The following PBX4 variants were observed in gnomAD, a reference collection of about 807,000 sequenced individuals.
PBX4 encodes PBX homeobox 4.
A neutral mutation model predicts 35.1 loss-of-function variants in PBX4; 26 were observed. The observed-to-expected ratio is 0.74, with a 90% CI of 0.54 to 1.03. The LOEUF (loss-of-function observed/expected upper bound fraction) is 1.03, where lower values mean the gene tolerates loss of function less well. Among genes scored for constraint, PBX4 ranks in the 50% least tolerant of loss-of-function variants. The pLI is 0.00. For synonymous variants in PBX4, 199 were observed against 204.2 expected, an observed-to-expected ratio of 0.97 and a Z score of 0.22; for missense variants, 448 against 504.3, an observed-to-expected ratio of 0.89 and a Z score of 1.07.
At chr19:19,590,486 T>TGA (rs1410569256) in intron 2 of PBX4, among the ~76,000 whole-genome samples, 3 of 151,066 alleles carry the variant, frequency 2.0e-5, no homozygotes, top group Non-Finnish European at 4.4e-5. Context: ...TTTTTTTTTT[T>TGA]GAGAGAGAGT....
chr19:19,598,167 A>T (rs978687349), intron 2 of PBX4, among the ~76,000 whole-genome samples: 1 of 152,030 alleles, frequency 6.6e-6, no homozygotes, highest in Non-Finnish European at 1.5e-5. Context: ...AGATCATTGT[A>T]CTCAGCGTAA....
intron 2 of PBX4, among the ~76,000 whole-genome samples, chr19:19,590,904 T>C (rs117597091): frequency 1.4e-4 from 21 of 152,328 alleles, no homozygotes; most frequent in Admixed American, 2.6e-4. Context: ...ACCTTTCTAT[T>C]ATAGGAGGCA....
chr19:19,598,999 A>T (rs2061578608), intron 2 of PBX4, among the ~76,000 whole-genome samples: 1 of 140,128 alleles, frequency 7.1e-6, no homozygotes, highest in Non-Finnish European at 1.5e-5. Flanking sequence ...CTCACCGCAC[A>T]CTCTTGTTGC....
intron 1 of PBX4, among the ~76,000 whole-genome samples, 182 bp downstream of exon 1, chr19:19,618,329 C>T (rs994474753): frequency 2.0e-4 from 31 of 152,210 alleles, no homozygotes; most frequent in African/African-American, 5.3e-4. Flanking sequence ...CGCCACTGCT[C>T]GGCCCCATAA....
chr19:19,570,677 G>C lies in PBX4; in HGVS notation c.350C>G (p.Pro117Arg). ...AGAGTGCTCAATGCTATTGTCATTTGGACAGCCACCTGGTGTTGCTGTGCC... is the reference window on the plus strand; with the variant it reads ...AGAGTGCTCAATGCTATTGTCATTTCGACAGCCACCTGGTGTTGCTGTGCC... ...RAGTATPGGC[P>R]NDNSIEHSDY... Residue 117 changes from proline to arginine, a missense_variant, in exon 3 of 8, where the codon CCA becomes CGA. By Grantham distance (103) the Pro-to-Arg change is moderately radical (BLOSUM62 -2). Coordinates refer to ENST00000251203, the MANE Select transcript of PBX4 (RefSeq NM_025245.3). 1 of 1,614,144 alleles carries C rather than the reference G, an allele frequency of 6.2e-7. No individual in the cohort carries two copies. Among genetic ancestry groups the C allele is most frequent in the South Asian group, 1.1e-5 (1 of 91,068 alleles).
intron 3 of PBX4, 73 bp downstream of exon 3, chr19:19,570,513 G>A (rs551456882): frequency 1.3e-6 from 2 of 1,576,074 alleles, no homozygotes; most frequent in Non-Finnish European, 1.7e-6. Context: ...AAAGAAAGGT[G>A]GTTAGCGTTC....
intron 2 of PBX4, among the ~76,000 whole-genome samples, chr19:19,594,820 C>T (rs2061551598): frequency 6.6e-6 from 1 of 152,092 alleles, no homozygotes; most frequent in African/African-American, 2.4e-5. Flanking sequence ...CTCCTGGGTT[C>T]AAGTGATACT....
chr19:19,569,841 C>T (rs6511041), intron 4 of PBX4, among the ~76,000 whole-genome samples: 66,042 of 152,004 alleles, frequency 0.43, 14,604 homozygotes, highest in African/African-American at 0.48. Context: ...ACCTGGGAGG[C>T]GGAGGTTGTG....
rs1375235861 is a variant in PBX4 at position 19,562,180 on chromosome 19, C to T, written c.1033-63G>A. 17 of 1,311,240 alleles carry T rather than the reference C, an allele frequency of 1.3e-5. No homozygotes were observed. The highest frequency in any genetic ancestry group is 1.9e-4 in the Middle Eastern group (1 of 5,188). 81.2% of individuals were successfully genotyped at this position (1,311,240 alleles called of 1,614,324 possible). ...GTGAGACTGGTGACTACCCAGCCCA[C>T]GTGCTGCAGGCGGAGCCTCCAGGGG... On this transcript the variant is annotated intron_variant, in intron 7 of 7. Coordinates refer to ENST00000251203, the MANE Select transcript of PBX4 (RefSeq NM_025245.3). This position sits in a 1 kb window ranked among gnomAD's most constrained non-coding sequence, Gnocchi z 4.8.
rs540324593 is a variant in PBX4 at position 19,575,929 on chromosome 19, C to T, written c.194-5096G>A. 4.3e-3 allele frequency among the ~76,000 whole-genome samples: 655 copies of T among 152,208 alleles called. 2 individuals are homozygous for T. The highest frequency in any genetic ancestry group is 6.5e-3 in the Non-Finnish European group (445 of 68,028). Reference sequence around the variant, plus strand: ...CAGGACCCCAGCATGCTCTGACAGCCGGGGTGAGGAAAGCCACCTCCACAC... The same window carrying T: ...CAGGACCCCAGCATGCTCTGACAGCTGGGGTGAGGAAAGCCACCTCCACAC... On this transcript the variant is annotated intron_variant, in intron 2 of 7. Coordinates refer to ENST00000251203, the MANE Select transcript of PBX4 (RefSeq NM_025245.3).
Position 19,618,658 on chromosome 19 carries a change from G to T in PBX4, c.-29C>A. 1 of 1,198,466 alleles carries T rather than the reference G, an allele frequency of 8.3e-7. No homozygotes were observed. Among genetic ancestry groups the T allele is most frequent in the East Asian group, 3.6e-5 (1 of 27,772 alleles). The allele number at this position is 1,198,466 out of a possible 1,614,324, so 74.2% of individuals were successfully genotyped here. A position where few individuals can be genotyped will look rare whatever the true frequency, so the allele number is the denominator to read the frequency against. On this transcript the variant is annotated 5_prime_UTR_variant, in exon 1 of 8. Transcript: ENST00000251203. ...CGGCAGGGCCGGGCGGGCGCTGTGAGGGTGCCGTCGAGCCTGGAGCACTAC... is the reference window on the plus strand; with the variant it reads ...CGGCAGGGCCGGGCGGGCGCTGTGATGGTGCCGTCGAGCCTGGAGCACTAC...
At chr19:19,596,586 G>A (rs1328013082) in intron 2 of PBX4, among the ~76,000 whole-genome samples, 1 of 152,054 alleles carries the variant, frequency 6.6e-6, no homozygotes, top group East Asian at 1.9e-4. Context: ...CAAAGGCCAA[G>A]ATTTACTCTG....
At chr19:19,570,023 G>A in intron 4 of PBX4, 86 bp downstream of exon 4, 2 of 1,397,244 alleles carry the variant, frequency 1.4e-6, no homozygotes, top group Middle Eastern at 2.7e-4. Flanking sequence ...ACAGCCTCCA[G>A]GGCTGTCTTC....
At position 19,618,535 on chromosome 19, in the gene PBX4, T is replaced by TGG. The variant is rs752859637; in HGVS notation, c.93_94dup (p.Gln32ProfsTer14). On this transcript the variant is annotated frameshift_variant, in exon 1 of 8. Coordinates refer to ENST00000251203, the MANE Select transcript of PBX4 (RefSeq NM_025245.3). LOFTEE classifies it high-confidence loss of function. Reference sequence around the variant, plus strand: ...CCTGGCCTGTGCCTCGTCCAGGCTCTGGTCGGTGATGGCCATGATCTGCTG... The same window carrying TGG: ...CCTGGCCTGTGCCTCGTCCAGGCTCTGGGGTCGGTGATGGCCATGATCTGCTG... 1.4e-6 allele frequency: 2 copies of TGG among 1,475,866 alleles called. No homozygotes were observed. Among genetic ancestry groups the TGG allele is most frequent in the South Asian group, 2.7e-5 (2 of 74,226 alleles). The allele number at this position is 1,475,866 out of a possible 1,614,324, so 91.4% of individuals were successfully genotyped here.
At chr19:19,605,901 C>T (rs1042577895) in intron 1 of PBX4, among the ~76,000 whole-genome samples, 21 of 136,298 alleles carry the variant, frequency 1.5e-4, no homozygotes, top group African/African-American at 5.3e-4. Flanking sequence ...ACTTTAGATA[C>T]AGTAGAAAGC....
chr19:19,579,025 G>A (rs2061437338), intron 2 of PBX4, among the ~76,000 whole-genome samples: 1 of 152,154 alleles, frequency 6.6e-6, no homozygotes, highest in Non-Finnish European at 1.5e-5. Context: ...CTAGGCCCCA[G>A]AACTGTGAGA....
intron 1 of PBX4, among the ~76,000 whole-genome samples, chr19:19,600,662 T>A (rs1599374593): frequency 6.6e-6 from 1 of 150,772 alleles, no homozygotes; most frequent in South Asian, 2.1e-4. Context: ...CTACTAAAAG[T>A]ACAAAAAAGC....
chr19:19,564,345 G>A (rs1407675343), intron 6 of PBX4, among the ~76,000 whole-genome samples: 1 of 151,584 alleles, frequency 6.6e-6, no homozygotes, highest in Non-Finnish European at 1.5e-5. Flanking sequence ...TGGCTGCATA[G>A]TATTCCATGG....
chr19:19,590,357 C>T (rs2061519387), intron 2 of PBX4, among the ~76,000 whole-genome samples: 1 of 152,150 alleles, frequency 6.6e-6, no homozygotes, highest in Admixed American at 6.6e-5. Context: ...TCCTACCCAG[C>T]ATCATGTTTT....
Sources: allele counts gnomAD v4.1 joint callset (sites outside exome capture counted in the v4.1 genomes callset), GRCh38; gene constraint gnomAD v4.1.1; non-coding constraint Gnocchi (gnomAD v3.1); transcripts MANE v1.5; gene names NCBI Gene and HGNC (gene_info 2026-07-23, HGNC 2026-07-21).